RAB6A: variants seen among roughly 807,000 people sequenced by gnomAD.
RAB6A encodes ras-related protein Rab-6A.
Under a neutral mutation model 32.3 loss-of-function variants are expected in RAB6A, and 8 were observed. The observed-to-expected ratio is 0.25, with a 90% CI of 0.15 to 0.45. The LOEUF is 0.45. RAB6A is among the 20% of genes least tolerant of loss of function. The probability of loss-of-function intolerance (pLI) is 1.00; values close to 1 mark genes in which losing one functional copy is unlikely to be tolerated. For missense variants in RAB6A, 104 were observed against 249.4 expected (o/e 0.42, Z 3.93); for synonymous variants, 73 against 82.1 (o/e 0.89, Z 0.60).
intron 5 of RAB6A, among the ~76,000 whole-genome samples, chr11:73,713,872 GTTACC>G (rs1313756667): frequency 1.3e-5 from 2 of 152,052 alleles, no homozygotes; most frequent in African/African-American, 4.8e-5. Flanking sequence ...ACTGACAAAT[GTTACC>G]TTAAAGAAAA....
At chr11:73,721,384 A>G (rs992583806) in intron 2 of RAB6A, among the ~76,000 whole-genome samples, 3 of 152,228 alleles carry the variant, frequency 2.0e-5, no homozygotes, top group African/African-American at 2.4e-5. Flanking sequence ...CATAAGAGAC[A>G]TGATTTTTCC....
chr11:73,692,842 T>C (rs1945595616), intron 6 of RAB6A, among the ~76,000 whole-genome samples: 1 of 147,726 alleles, frequency 6.8e-6, no homozygotes, highest in Non-Finnish European at 1.5e-5. Context: ...GCGCCTGTAG[T>C]CCCAGCTACG....
At chr11:73,703,239 T>C (rs908084645) in intron 6 of RAB6A, among the ~76,000 whole-genome samples, 1 of 152,118 alleles carries the variant, frequency 6.6e-6, no homozygotes, top group Non-Finnish European at 1.5e-5. Flanking sequence ...GAAGGGCAAT[T>C]CTCCAAGTAA....
intron 1 of RAB6A, among the ~76,000 whole-genome samples, chr11:73,744,287 G>A (rs1391216234): frequency 6.8e-5 from 10 of 146,856 alleles, no homozygotes; most frequent in South Asian, 2.1e-4. Flanking sequence ...GCAGTGAGCC[G>A]AGATCGCACC....
chr11:73,749,052 A>G (rs1317796248), intron 1 of RAB6A, among the ~76,000 whole-genome samples: 1 of 151,940 alleles, frequency 6.6e-6, no homozygotes, highest in Non-Finnish European at 1.5e-5. Context: ...TTGAACCCGG[A>G]AGGCAAAGCT....
In RAB6A at chr11:73,677,671, T is replaced by C. The variant is rs3182808; in HGVS notation, c.*227A>G. The C allele has an allele frequency of 1.8e-5, 21 of 1,156,956 alleles. No individual in the cohort carries two copies. Among genetic ancestry groups the C allele is most frequent in the African/African-American group, 3.1e-5 (2 of 64,072 alleles). 71.7% of individuals were successfully genotyped at this position (1,156,956 alleles called of 1,614,324 possible). ...AATTTTTAAAGTTATCACTGGAATA[T>C]GCTGAAATATTTTGGCTTTTTGTAA... On this transcript the variant is annotated 3_prime_UTR_variant, in exon 8 of 8. Coordinates refer to ENST00000336083, the MANE Select transcript of RAB6A (RefSeq NM_198896.2).
At position 73,736,814 on chromosome 11, in the gene RAB6A, A is replaced by AAG. The variant is rs1555066464; in HGVS notation, c.71-5992_71-5991insCT. Among the ~76,000 whole-genome samples, 470 of 137,132 alleles carry AAG rather than the reference A, an allele frequency of 3.4e-3. 1 individual carries two copies. Among genetic ancestry groups the AAG allele is most frequent in the African/African-American group, 0.014 (446 of 32,666 alleles). The allele number at this position is 137,132 out of a possible 152,430, so 90.0% of individuals were successfully genotyped here. On this transcript the variant is annotated intron_variant, in intron 1 of 7. Coordinates refer to ENST00000336083, the MANE Select transcript of RAB6A (RefSeq NM_198896.2). ...CTCGAGAAAGAAAAAAAAAAGAAAA[A>AAG]AAAAAAAAAAAACAATTAGCCAGGC...
intron 5 of RAB6A, among the ~76,000 whole-genome samples, chr11:73,709,437 A>ATATTATTATTATTATTATAT (rs1555058115): frequency 7.3e-6 from 1 of 137,134 alleles, no homozygotes; most frequent in Admixed American, 7.6e-5. Flanking sequence ...CTCCTTAAGT[A>ATATTATTATTATTATTATAT]TATTATTATT....
chr11:73,687,791 A>AG (rs763958086), intron 6 of RAB6A, among the ~76,000 whole-genome samples: 3 of 152,224 alleles, frequency 2.0e-5, no homozygotes, highest in East Asian at 1.9e-4. Context: ...CGGGAGGCGG[A>AG]GGTTGCAGTG....
intron 6 of RAB6A, among the ~76,000 whole-genome samples, chr11:73,692,271 G>A (rs1020927744): frequency 2.6e-5 from 4 of 150,944 alleles, no homozygotes; most frequent in Non-Finnish European, 4.4e-5. Context: ...TTGGGAGGCC[G>A]AGGTGGGCGG....
chr11:73,747,027 C>T (rs1946598475), intron 1 of RAB6A, among the ~76,000 whole-genome samples: 1 of 152,034 alleles, frequency 6.6e-6, no homozygotes, highest in South Asian at 2.1e-4. Flanking sequence ...CCTCCACCTC[C>T]CGGGTTCAAG....
intron 1 of RAB6A, among the ~76,000 whole-genome samples, chr11:73,731,791 G>C (rs1946317710): frequency 6.9e-6 from 1 of 145,944 alleles, no homozygotes; most frequent in Non-Finnish European, 1.5e-5. Context: ...TGCCAGGCTG[G>C]AGTACAGCGG....
At chr11:73,719,761 G>A (rs868054757) in intron 3 of RAB6A, among the ~76,000 whole-genome samples, 6 of 151,572 alleles carry the variant, frequency 4.0e-5, no homozygotes, top group African/African-American at 1.2e-4. Context: ...GATTACAGGC[G>A]CCCGCCACCA....
intron 6 of RAB6A, chr11:73,704,133 G>C (rs536572100): frequency 2.6e-6 from 1 of 377,948 alleles, no homozygotes; most frequent in Non-Finnish European, 5.4e-6. Context: ...CTATAATCTC[G>C]AAATCTTCGA....
At position 73,685,885 on chromosome 11, in the gene RAB6A, C is replaced by CAAAAAAAAAAAAAA. The variant is rs56270679; in HGVS notation, c.496-6179_496-6166dup. ...AGGCAACAAGAGTGAAACTCCGTCT[C>CAAAAAAAAAAAAAA]AAAAAAAAAAAAAAAAAAAAAAAGC... On this transcript the variant is annotated intron_variant, in intron 6 of 7. Coordinates refer to ENST00000336083, the MANE Select transcript of RAB6A (RefSeq NM_198896.2). Among the ~76,000 whole-genome samples the CAAAAAAAAAAAAAA allele has an allele frequency of 1.2e-3, 125 of 103,006 alleles. 10 individuals carry two copies. Among genetic ancestry groups the CAAAAAAAAAAAAAA allele is most frequent in the Non-Finnish European group, 1.5e-3 (84 of 55,128 alleles). 67.6% of individuals were successfully genotyped at this position (103,006 alleles called of 152,430 possible). A position where few individuals can be genotyped will look rare whatever the true frequency, so the allele number is the denominator to read the frequency against.
At chr11:73,697,015 G>A (rs1249873150) in intron 6 of RAB6A, among the ~76,000 whole-genome samples, 1 of 152,060 alleles carries the variant, frequency 6.6e-6, no homozygotes. Flanking sequence ...ATGGTCTTAA[G>A]GCCTCTGTTC....
In RAB6A at chr11:73,760,183, G is replaced by A. The variant is rs910179787; in HGVS notation, c.70+383C>T. 1.1e-4 allele frequency: 129 copies of A among 1,124,842 alleles called. 3 individuals are homozygous for A. The South Asian group carries it at 1.6e-3, about 14-fold the overall frequency. The allele number at this position is 1,124,842 out of a possible 1,614,324, so 69.7% of individuals were successfully genotyped here. On this transcript the variant is annotated intron_variant, in intron 1 of 7. Transcript: ENST00000336083. ...CCTGAGTGGGCCTCACAGAGCTGAG[G>A]AACTGGGAAAAGAGCAAGGAATAAG...
chr11:73,715,504 T>C (rs1455389918), intron 5 of RAB6A, among the ~76,000 whole-genome samples: 1 of 152,246 alleles, frequency 6.6e-6, no homozygotes, highest in Non-Finnish European at 1.5e-5. Context: ...TGGCTTTCTT[T>C]GCAACACTTG....
intron 1 of RAB6A, among the ~76,000 whole-genome samples, chr11:73,745,004 T>C (rs937077021): frequency 6.8e-6 from 1 of 146,534 alleles, no homozygotes; most frequent in African/African-American, 2.5e-5. Context: ...GAGTAAAGAG[T>C]ACTGGCATAA....
Sources: allele counts gnomAD v4.1 joint callset (sites outside exome capture counted in the v4.1 genomes callset), GRCh38; gene constraint gnomAD v4.1.1; transcripts MANE v1.5; gene names NCBI Gene and HGNC (gene_info 2026-07-23, HGNC 2026-07-21).